INHBA: variants seen among roughly 807,000 people sequenced by gnomAD.
The protein encoded by INHBA is inhibin beta A chain.
A neutral mutation model predicts 29.0 loss-of-function variants in INHBA; 1 was observed. That is an observed-to-expected ratio of 0.03 (90% CI 0.01 to 0.16). The LOEUF (loss-of-function observed/expected upper bound fraction) is 0.16, where lower values mean the gene tolerates loss of function less well. INHBA is among the 10% of genes least tolerant of loss of function. The pLI is 1.00. For synonymous variants in INHBA, 242 were observed against 216.8 expected (o/e 1.12, Z -1.02); for missense variants, 376 against 545.4 (o/e 0.69, Z 3.09).
rs368955824 is a variant in INHBA, at chr7:41,700,090, G to T, written c.285C>A (p.Val95=). Residue 95 remains valine (V), a synonymous_variant, in exon 2 of 3, where the codon GTC becomes GTA. Transcript: ENST00000242208. ...NAIRKLHVGK[V]GENGYVEIED... ...CTATCTCCACATACCCGTTCTCCCC[G>T]ACTTTGCCCACATGAAGCTTTCTGA... 6.2e-7 allele frequency: 1 copy of T among 1,613,726 alleles called. No individual in the cohort carries two copies. The highest frequency in any genetic ancestry group is 1.3e-5 in the African/African-American group (1 of 74,812).
chr7:41,686,070 A>T lies in INHBA; in HGVS notation c.*3580T>A, dbSNP rs1421946327. 3 of 150,940 alleles carry T rather than the reference A, an allele frequency of 2.0e-5. No individual in the cohort carries two copies. The highest frequency in any genetic ancestry group is 7.3e-5 in the African/African-American group (3 of 41,134). The allele number at this position is 150,940 out of a possible 1,614,324, so 9.4% of individuals were successfully genotyped here. On this transcript the variant is annotated 3_prime_UTR_variant, in exon 3 of 3. Transcript: ENST00000242208. ...CTTAAAGTCCAATCCCACAATGGTG[A>T]AAAAAAAATAGAAAGTATTTGTTCT...
chr7:41,695,563 A>C (rs1489731111), intron 2 of INHBA, among the ~76,000 whole-genome samples: 2 of 152,134 alleles, frequency 1.3e-5, no homozygotes, highest in African/African-American at 4.8e-5. Flanking sequence ...TTTGGCCATA[A>C]ATTATCTTGA....
chr7:41,704,210 C>T (rs892121072), upstream of INHBA, among the ~76,000 whole-genome samples: 1 of 152,040 alleles, frequency 6.6e-6, no homozygotes, highest in Non-Finnish European at 1.5e-5. Context: ...TGATGTGTGG[C>T]TTAAGCAGGT....
At chr7:41,701,045 C>G (rs1306963943) in intron 1 of INHBA, among the ~76,000 whole-genome samples, 2 of 152,008 alleles carry the variant, frequency 1.3e-5, no homozygotes, top group Non-Finnish European at 2.9e-5. Flanking sequence ...TTCGGGGGTT[C>G]TACTTTCTCT....
At chr7:41,692,663 T>C (rs996637618) in intron 2 of INHBA, 1 of 152,244 alleles carries the variant, frequency 6.6e-6, no homozygotes, top group Non-Finnish European at 1.5e-5. Context: ...TGGCAGGAGT[T>C]GAAATGAATA....
intron 2 of INHBA, 148 bp downstream of exon 2, chr7:41,699,839 A>T: frequency 3.3e-6 from 2 of 600,752 alleles, no homozygotes; most frequent in Non-Finnish European, 2.9e-6. Context: ...TCCGTCGGCT[A>T]GTCCGCTACC....
At chr7:41,695,236 A>G (rs569582106) in intron 2 of INHBA, among the ~76,000 whole-genome samples, 51 of 152,316 alleles carry the variant, frequency 3.3e-4, no homozygotes, top group Middle Eastern at 3.4e-3. Flanking sequence ...TTATGTCTCT[A>G]ATGTGAATGT....
At chr7:41,694,199 T>C (rs1794587540) in intron 2 of INHBA, 1 of 152,218 alleles carries the variant, frequency 6.6e-6, no homozygotes, top group East Asian at 1.9e-4. Flanking sequence ...TGCTGGAAAC[T>C]GACGTGGGAT....
chr7:41,690,932 A>G (rs1794486686), intron 2 of INHBA, among the ~76,000 whole-genome samples: 1 of 151,992 alleles, frequency 6.6e-6, no homozygotes, highest in African/African-American at 2.4e-5. Context: ...TAAATTATTT[A>G]CTCTCTGGCC....
At chr7:41,695,184 G>T (rs943324978) in intron 2 of INHBA, among the ~76,000 whole-genome samples, 1 of 152,152 alleles carries the variant, frequency 6.6e-6, no homozygotes, top group African/African-American at 2.4e-5. Flanking sequence ...CCTCACCAGG[G>T]TCCTGCTTAA....
chr7:41,689,513 G>GTTT lies in INHBA; in HGVS notation c.*134_*136dup, dbSNP rs151304258. On this transcript the variant is annotated 3_prime_UTR_variant, in exon 3 of 3. Transcript: ENST00000242208. ...CAGGTTTTGTTTTTAATTTACTTTT[G>GTTT]TTTTTTTTTGTTTTTTTTTTTGTTT... 2 of 712,718 alleles carry GTTT rather than the reference G, an allele frequency of 2.8e-6. No individual in the cohort carries two copies. The highest frequency in any genetic ancestry group is 4.0e-6 in the Non-Finnish European group (2 of 495,700). 44.1% of individuals were successfully genotyped at this position (712,718 alleles called of 1,614,324 possible). A position where few individuals can be genotyped will look rare whatever the true frequency, so the allele number is the denominator to read the frequency against.
chr7:41,699,851 T>G, intron 2 of INHBA, 136 bp downstream of exon 2: 1 of 661,792 alleles, frequency 1.5e-6, no homozygotes, highest in African/African-American at 1.8e-5. Flanking sequence ...TCCGCTACCA[T>G]CACCTAATAA....
upstream of INHBA, chr7:41,703,092 A>G (rs1199493884): frequency 6.6e-6 from 1 of 152,190 alleles, no homozygotes; most frequent in Non-Finnish European, 1.5e-5. Context: ...TGGCACTGTG[A>G]AGTTTTATAC....
chr7:41,700,841 AAGAGAGAGAGAGAGAGAGAGAG>A lies in INHBA; in HGVS notation c.-143-346_-143-325del, dbSNP rs3030163. On this transcript the variant is annotated intron_variant, in intron 1 of 2. Coordinates refer to ENST00000242208, the MANE Select transcript of INHBA (RefSeq NM_002192.4). ...AGGGGGAGAGGGAGAGAGGGAAAGG[AAGAGAGAGAGAGAGAGAGAGAG>A]AGAGAGAGAGAGAGAAAGGATTGGC... Among the ~76,000 whole-genome samples, 13 of 79,098 alleles carry A rather than the reference AAGAGAGAGAGAGAGAGAGAGAG, an allele frequency of 1.6e-4. No homozygotes were observed. In the Admixed American group the frequency reaches 1.6e-3, roughly 10 times the overall value. 51.9% of individuals were successfully genotyped at this position (79,098 alleles called of 152,430 possible).
intron 2 of INHBA, among the ~76,000 whole-genome samples, chr7:41,693,475 G>A (rs957206945): frequency 6.6e-6 from 1 of 152,196 alleles, no homozygotes. Context: ...CTTTTTTAGG[G>A]CCAGAGAGGC....
At position 41,690,156 on chromosome 7, in the gene INHBA, T is replaced by C. The variant is rs1450176512; in HGVS notation, c.775A>G (p.Lys259Glu). ...ESGASLVLLG[K>E]KKKKEEEGEG... Reference sequence around the variant, plus strand: ...CCCTCCTCTTCTTTCTTCTTCTTCTTGCCCAGGAGAACCAAGCTGGCGCCA... The same window carrying C: ...CCCTCCTCTTCTTTCTTCTTCTTCTCGCCCAGGAGAACCAAGCTGGCGCCA... The change falls in exon 3 of 3, where the codon AAG (lysine) becomes GAG (glutamate). Residue 259 changes from lysine (K) to glutamate (E), a missense_variant. Around this residue, in one of 4 missense-constraint regions of INHBA, gnomAD observed 253 missense variants for 313.4 expected, o/e 0.81. Transcript: ENST00000242208. 1 of 1,613,546 alleles carries C rather than the reference T, an allele frequency of 6.2e-7. No homozygotes were observed. Among genetic ancestry groups the C allele is most frequent in the Non-Finnish European group, 8.5e-7 (1 of 1,180,000 alleles).
upstream of INHBA, among the ~76,000 whole-genome samples, chr7:41,703,766 AACACACAC>A (rs3030167): frequency 3.4e-5 from 5 of 148,098 alleles, no homozygotes; most frequent in South Asian, 6.5e-4. Flanking sequence ...TAACTAACCA[AACACACAC>A]ACACACACAC....
chr7:41,692,675 T>C (rs181422698), intron 2 of INHBA: 80 of 152,340 alleles, frequency 5.3e-4, no homozygotes, highest in African/African-American at 1.8e-3. Context: ...AAATGAATAA[T>C]AAAGCTGGGT....
Position 41,700,133 on chromosome 7 carries a change from G to T in INHBA, c.242C>A (p.Ala81Glu). The T allele has an allele frequency of 6.2e-7, 1 of 1,614,046 alleles. No homozygotes were observed. Among genetic ancestry groups the T allele is most frequent in the South Asian group, 1.1e-5 (1 of 91,062 alleles). The change falls in exon 2 of 3, where the codon GCG becomes GAG. Residue 81 changes from alanine to glutamate, a missense_variant. Ala to Glu is a moderately radical substitution (Grantham distance 107). This residue lies in a region of INHBA where 253 missense variants were observed against 313.4 expected (regional missense o/e 0.81). Transcript: ENST00000242208. ...RPDVTQPVPKAALLNAIRKLH... is the reference protein window; with the variant it reads ...RPDVTQPVPKEALLNAIRKLH... The stretch of plus-strand genomic sequence containing the variant: ...CTTTCTGATCGCGTTCAGAAGCGCC[G>T]CCTTGGGTACCGGCTGGGTGACATC...
Sources: gnomAD v4.1 joint callset for allele counts (sites outside exome capture counted in the v4.1 genomes callset) on GRCh38, gnomAD v4.1.1 for gene constraint, gnomAD v4.1.1 regional missense constraint, MANE v1.5 for transcripts, NCBI Gene and HGNC (gene_info 2026-07-23, HGNC 2026-07-21) for gene names.